The following PLCB1 variants were observed in gnomAD, a reference collection of about 807,000 sequenced individuals.
PLCB1 encodes the protein phospholipase C beta 1.
PLCB1 carries 46 observed loss-of-function variants against 161.8 expected under a neutral mutation model. That is an observed-to-expected ratio of 0.28 (90% CI 0.22 to 0.36). PLCB1 has a LOEUF of 0.36. Among genes scored for constraint, PLCB1 ranks in the 10% least tolerant of loss-of-function variants. PLCB1 has a pLI of 1.00. For missense variants in PLCB1, 1,016 were observed against 1,472.5 expected (o/e 0.69, Z 5.07); for synonymous variants, 517 against 503.7 (o/e 1.03, Z -0.35).
At chr20:8,704,059 A>T (rs1006805433) in intron 11 of PLCB1, among the ~76,000 whole-genome samples, 1 of 152,334 alleles carries the variant, frequency 6.6e-6, no homozygotes, top group South Asian at 2.1e-4. Flanking sequence ...TCATCAGAAA[A>T]GTTAGCAAAG....
At chr20:8,446,182 C>G (rs1321555944) in intron 3 of PLCB1, among the ~76,000 whole-genome samples, 1 of 152,148 alleles carries the variant, frequency 6.6e-6, no homozygotes, top group Non-Finnish European at 1.5e-5. Context: ...AAACCGAATC[C>G]AGCAGCACAT....
chr20:8,604,604 A>G (rs1424538601), intron 3 of PLCB1, among the ~76,000 whole-genome samples: 1 of 152,174 alleles, frequency 6.6e-6, no homozygotes, highest in Non-Finnish European at 1.5e-5. Flanking sequence ...AACTACAAGC[A>G]AAACAAGGGA....
chr20:8,628,060 A>G (rs1174882384), intron 3 of PLCB1, among the ~76,000 whole-genome samples: 8 of 152,210 alleles, frequency 5.3e-5, no homozygotes, highest in Non-Finnish European at 1.2e-4. Context: ...CAGAAAGAGC[A>G]CTTAACTGCA....
In PLCB1 at chr20:8,757,741, C is replaced by T. The variant is rs73895165; in HGVS notation, c.2656+563C>T. Reference sequence around the variant, plus strand: ...AGGTGATAAAGTACTTATTGAAGGCCACAGTGCCAGGGAAGAGTGACCTTA... The same window carrying T: ...AGGTGATAAAGTACTTATTGAAGGCTACAGTGCCAGGGAAGAGTGACCTTA... On this transcript the variant is annotated intron_variant, in intron 24 of 31. Transcript: ENST00000338037. 2.7e-3 allele frequency among the ~76,000 whole-genome samples: 417 copies of T among 152,136 alleles called. 5 individuals are homozygous for T. Among genetic ancestry groups the T allele is most frequent in the African/African-American group, 9.6e-3 (398 of 41,490 alleles).
intron 3 of PLCB1, among the ~76,000 whole-genome samples, chr20:8,504,868 G>A (rs1014097353): frequency 6.6e-6 from 1 of 152,134 alleles, no homozygotes; most frequent in Non-Finnish European, 1.5e-5. Context: ...GAAGATATTG[G>A]ATAGTTTTTG....
In PLCB1 at chr20:8,765,130, T is replaced by C; in HGVS notation, c.2711-9T>C. ...CCATTCCCTTAGCTTTCATATTCAT[T>C]TGTTGCAGAAGTGGAAGCACAGACC... On this transcript the variant is annotated splice_polypyrimidine_tract_variant and intron_variant, in intron 25 of 31. Coordinates refer to ENST00000338037, the MANE Select transcript of PLCB1 (RefSeq NM_015192.4). 4 of 1,607,082 alleles carry C rather than the reference T, an allele frequency of 2.5e-6. No individual in the cohort carries two copies. The highest frequency in any genetic ancestry group is 3.4e-6 in the Non-Finnish European group (4 of 1,176,846).
chr20:8,248,549 T>C (rs1388739466), intron 2 of PLCB1, among the ~76,000 whole-genome samples: 2 of 151,966 alleles, frequency 1.3e-5, no homozygotes, highest in Non-Finnish European at 2.9e-5. Context: ...CAGTATCTGC[T>C]ACGTCCTCTT....
chr20:8,693,497 AT>A (rs879656924), intron 10 of PLCB1, among the ~76,000 whole-genome samples: 1 of 152,194 alleles, frequency 6.6e-6, no homozygotes, highest in Non-Finnish European at 1.5e-5. Flanking sequence ...TAGCCATGAG[AT>A]TATATGCCCT....
intron 31 of PLCB1, among the ~76,000 whole-genome samples, chr20:8,791,566 C>T (rs559086157): frequency 6.6e-6 from 1 of 151,692 alleles, no homozygotes; most frequent in East Asian, 1.9e-4. Flanking sequence ...ATAGAATTTG[C>T]TTATGGTTGA....
intron 2 of PLCB1, among the ~76,000 whole-genome samples, chr20:8,289,145 T>A (rs117255076): frequency 0.011 from 1,614 of 152,344 alleles, 29 homozygotes; most frequent in Non-Finnish European, 0.015. Context: ...AGCTTCTGCA[T>A]GCTTCACTCC....
chr20:8,441,182 T>C (rs1011635459), intron 3 of PLCB1, among the ~76,000 whole-genome samples: 1 of 152,220 alleles, frequency 6.6e-6, no homozygotes, highest in Non-Finnish European at 1.5e-5. Context: ...TTCTAACCAG[T>C]AATATTCCAA....
At chr20:8,615,486 C>A (rs1410721890) in intron 3 of PLCB1, among the ~76,000 whole-genome samples, 1 of 152,182 alleles carries the variant, frequency 6.6e-6, no homozygotes, top group Non-Finnish European at 1.5e-5. Flanking sequence ...ACTTTCCCTA[C>A]TGAATGCAAC....
chr20:8,375,943 C>CAAAA (rs34790517), intron 3 of PLCB1, among the ~76,000 whole-genome samples: 8 of 93,060 alleles, frequency 8.6e-5, no homozygotes, highest in Admixed American at 2.4e-4. Context: ...CCAAGTGAAC[C>CAAAA]AAAAAAAAAA....
intron 2 of PLCB1, among the ~76,000 whole-genome samples, chr20:8,320,694 G>C (rs1235156059): frequency 6.6e-6 from 1 of 151,972 alleles, no homozygotes; most frequent in East Asian, 1.9e-4. Flanking sequence ...AAAGTCATTT[G>C]GTACATATCT....
At chr20:8,646,266 A>G (rs1170928882) in intron 5 of PLCB1, 85 bp downstream of exon 5, 2 of 896,112 alleles carry the variant, frequency 2.2e-6, no homozygotes, top group African/African-American at 1.7e-5. Context: ...CGTTTATGCC[A>G]TACTGACTTC....
In PLCB1 at chr20:8,185,686, C is replaced by G. The variant is rs181878589; in HGVS notation, c.177+35315C>G. 1.4e-3 allele frequency among the ~76,000 whole-genome samples: 217 copies of G among 152,004 alleles called. 1 individual carries two copies. Among genetic ancestry groups the G allele is most frequent in the Non-Finnish European group, 2.7e-3 (183 of 67,950 alleles). On this transcript the variant is annotated intron_variant, in intron 2 of 31. Coordinates refer to ENST00000338037, the MANE Select transcript of PLCB1 (RefSeq NM_015192.4). ...AGGAAGGGCACTGGGAGACTGGTAA[C>G]TCTGTCTCTTTAATTTGTTTTTATT...
intron 9 of PLCB1, among the ~76,000 whole-genome samples, chr20:8,662,302 T>C (rs1368481079): frequency 2.5e-5 from 3 of 118,786 alleles, no homozygotes; most frequent in African/African-American, 3.4e-5. Context: ...AATTATTTAT[T>C]ATATAATTAT....
At chr20:8,472,301 C>A (rs1218390587) in intron 3 of PLCB1, among the ~76,000 whole-genome samples, 1 of 151,956 alleles carries the variant, frequency 6.6e-6, no homozygotes, top group East Asian at 1.9e-4. Context: ...TTGTTATGTT[C>A]TTTTCATTTT....
chr20:8,585,895 T>C (rs1298228810), intron 3 of PLCB1, among the ~76,000 whole-genome samples: 1 of 152,224 alleles, frequency 6.6e-6, no homozygotes, highest in Non-Finnish European at 1.5e-5. Context: ...ATTTGACACT[T>C]CATTAATACC....
Sources: allele counts gnomAD v4.1 joint callset (sites outside exome capture counted in the v4.1 genomes callset), GRCh38; gene constraint gnomAD v4.1.1; transcripts MANE v1.5; gene names NCBI Gene and HGNC (gene_info 2026-07-23, HGNC 2026-07-21).